The following SLC9C2 variants were observed in gnomAD, a reference collection of about 807,000 sequenced individuals.
SLC9C2 encodes the protein sodium/hydrogen exchanger 11.
SLC9C2 carries 75 observed loss-of-function variants against 140.2 expected under a neutral mutation model. The ratio of observed to expected loss-of-function variants is 0.53; its 90% CI spans 0.44 to 0.65. The LOEUF (loss-of-function observed/expected upper bound fraction) is 0.65, where lower values mean the gene tolerates loss of function less well. Ranked by LOEUF, SLC9C2 falls within the 30% of genes least tolerant of loss-of-function variation. SLC9C2 has a pLI of 0.00. For missense variants in SLC9C2, 1,074 were observed against 1,331.8 expected, an observed-to-expected ratio of 0.81 and a Z score of 3.01; for synonymous variants, 375 against 420.9, an observed-to-expected ratio of 0.89 and a Z score of 1.34.
At chr1:173,596,787 G>A (rs1361660755) in intron 4 of SLC9C2, 1 of 152,042 alleles carries the variant, frequency 6.6e-6, no homozygotes, top group Non-Finnish European at 1.5e-5. Context: ...TAAAGCTGAT[G>A]TAACTATAGT....
At chr1:173,587,918 G>A (rs893385933) in intron 4 of SLC9C2, 88 bp from the exon 5 acceptor site, 19 of 1,016,638 alleles carry the variant, frequency 1.9e-5, no homozygotes, top group Non-Finnish European at 2.7e-5. Context: ...TCAGATCTTG[G>A]TTGTAAATGT....
chr1:173,557,968 C>A (rs1341644103), intron 9 of SLC9C2, among the ~76,000 whole-genome samples: 2 of 152,164 alleles, frequency 1.3e-5, no homozygotes, highest in Non-Finnish European at 2.9e-5. Flanking sequence ...TGAGCTCCCA[C>A]AAGAATCATA....
chr1:173,578,874 T>G (rs1326512487), intron 7 of SLC9C2, among the ~76,000 whole-genome samples: 1 of 152,206 alleles, frequency 6.6e-6, no homozygotes, highest in Non-Finnish European at 1.5e-5. Context: ...CTTAACTTGG[T>G]CATCTACAAA....
chr1:173,600,079 T>C, intron 3 of SLC9C2, 38 bp downstream of exon 3: 1 of 1,438,500 alleles, frequency 7.0e-7, no homozygotes, highest in Non-Finnish European at 9.6e-7. Flanking sequence ...TTTTTGGCAT[T>C]TTTTCCTTTA....
intron 4 of SLC9C2, among the ~76,000 whole-genome samples, chr1:173,591,498 G>A (rs1666159488): frequency 6.6e-6 from 1 of 152,082 alleles, no homozygotes; most frequent in South Asian, 2.1e-4. Flanking sequence ...CACCAAGATT[G>A]TATAAGTATT....
At chr1:173,549,285 T>A (rs762146739) in intron 11 of SLC9C2, among the ~76,000 whole-genome samples, 5 of 152,218 alleles carry the variant, frequency 3.3e-5, no homozygotes, top group Non-Finnish European at 7.3e-5. Flanking sequence ...GGACACTGCG[T>A]ACAATGGAGT....
intron 10 of SLC9C2, among the ~76,000 whole-genome samples, chr1:173,555,603 T>G (rs1558062150): frequency 6.6e-6 from 1 of 152,168 alleles, no homozygotes. Flanking sequence ...GCTAGTTAAC[T>G]TCTCATTGAC....
At chr1:173,550,440 A>ATTTTTTT (rs1304209360) in intron 11 of SLC9C2, among the ~76,000 whole-genome samples, 10 of 124,210 alleles carry the variant, frequency 8.1e-5, no homozygotes, top group African/African-American at 2.9e-4. Context: ...TTATTTATTT[A>ATTTTTTT]TTTATTTATT....
At chr1:173,573,423 T>C in intron 8 of SLC9C2, 98 bp from the exon 9 acceptor site, 1 of 907,454 alleles carries the variant, frequency 1.1e-6, no homozygotes, top group Non-Finnish European at 1.6e-6. Context: ...TACCATGCTG[T>C]CTTAGCAGAG....
chr1:173,537,672 C>T (rs1214744216), intron 13 of SLC9C2, among the ~76,000 whole-genome samples: 12 of 151,930 alleles, frequency 7.9e-5, no homozygotes. Flanking sequence ...AAAGAGTTTA[C>T]TTCAGTAATA....
At chr1:173,503,382 G>A (rs1659414900) in intron 26 of SLC9C2, 56 bp from the exon 27 acceptor site, 1 of 1,472,156 alleles carries the variant, frequency 6.8e-7, no homozygotes, top group East Asian at 2.3e-5. Flanking sequence ...AAGAGTAAAG[G>A]CAACCAGAAA....
At chr1:173,576,179 CTT>C (rs1197697394) in intron 8 of SLC9C2, among the ~76,000 whole-genome samples, 1 of 152,140 alleles carries the variant, frequency 6.6e-6, no homozygotes, top group African/African-American at 2.4e-5. Context: ...GAAAGGCTAA[CTT>C]ATTTCTCTGC....
At position 173,524,839 on chromosome 1, in the gene SLC9C2, A is replaced by AT. The variant is rs774743397; in HGVS notation, c.2453dup (p.Asn818LysfsTer12). 1.9e-6 allele frequency: 3 copies of AT among 1,614,050 alleles called. No homozygotes were observed. Among genetic ancestry groups the AT allele is most frequent in the Non-Finnish European group, 2.5e-6 (3 of 1,179,960 alleles). ...TGCCTCTTGAACAAAGGAAGGTGAG[A>AT]TTTTTTAGAGCTTTAGCAATCACAT... On this transcript the variant is annotated frameshift_variant, in exon 20 of 28. Coordinates refer to ENST00000367714, the MANE Select transcript of SLC9C2 (RefSeq NM_178527.4). LOFTEE classifies it high-confidence loss of function.
At position 173,542,735 on chromosome 1, in the gene SLC9C2, A is replaced by G. The variant is rs557451534; in HGVS notation, c.1557+4954T>C. Among the ~76,000 whole-genome samples, 139 of 152,354 alleles carry G rather than the reference A, an allele frequency of 9.1e-4. 1 individual carries two copies. The highest frequency in any genetic ancestry group is 1.6e-3 in the Non-Finnish European group (111 of 68,028). On this transcript the variant is annotated intron_variant, in intron 13 of 27. Transcript: ENST00000367714. ...CAAATCAATAAACGTAATCCATTAC[A>G]TAAACAGAACCAAAGACAAAAACCA...
At chr1:173,586,464 C>T (rs1019023333) in intron 5 of SLC9C2, among the ~76,000 whole-genome samples, 6 of 152,124 alleles carry the variant, frequency 3.9e-5, no homozygotes, top group Non-Finnish European at 8.8e-5. Flanking sequence ...TAGCATCTAG[C>T]CATTCATGTT....
intron 13 of SLC9C2, among the ~76,000 whole-genome samples, chr1:173,542,999 T>C (rs1571515731): frequency 6.6e-6 from 1 of 152,194 alleles, no homozygotes; most frequent in Admixed American, 6.5e-5. Context: ...GTGTTGGAAG[T>C]TCTGGCCAGG....
chr1:173,587,900 C>A, intron 4 of SLC9C2, 70 bp from the exon 5 acceptor site: 1 of 1,201,862 alleles, frequency 8.3e-7, no homozygotes, highest in Admixed American at 2.0e-5. Context: ...TTACTTATAT[C>A]CTAAGAGTCA....
intron 9 of SLC9C2, among the ~76,000 whole-genome samples, chr1:173,569,312 A>G (rs1250698884): frequency 1.3e-5 from 2 of 151,642 alleles, no homozygotes; most frequent in Non-Finnish European, 2.9e-5. Context: ...TGCATTTTTT[A>G]TTCTAGAATT....
intron 26 of SLC9C2, among the ~76,000 whole-genome samples, chr1:173,503,978 T>G (rs1659458743): frequency 6.6e-6 from 1 of 152,234 alleles, no homozygotes; most frequent in Non-Finnish European, 1.5e-5. Context: ...CCCTGCTCCC[T>G]GACAGTGCTT....
Sources: gnomAD v4.1 joint callset for allele counts (sites outside exome capture counted in the v4.1 genomes callset) on GRCh38, gnomAD v4.1.1 for gene constraint, MANE v1.5 for transcripts, NCBI Gene and HGNC (gene_info 2026-07-23, HGNC 2026-07-21) for gene names.